Variants in MEP1B observed in about 807,000 individuals in gnomAD.
The protein encoded by MEP1B is meprin A subunit beta, also known as N-benzoyl-L-tyrosyl-P-amino-benzoic acid hydrolase subunit beta.
A neutral mutation model predicts 84.6 loss-of-function variants in MEP1B; 80 were observed. The ratio of observed to expected loss-of-function variants is 0.95; its 90% CI spans 0.79 to 1.14. MEP1B has a LOEUF of 1.14. Ranked by LOEUF, MEP1B falls within the 50% of genes most tolerant of loss-of-function variation. MEP1B has a pLI of 0.00. For synonymous variants in MEP1B, 273 were observed against 288.1 expected (o/e 0.95, Z 0.53); for missense variants, 766 against 855.1 (o/e 0.90, Z 1.30).
At chr18:32,192,520 A>G (rs1308160314) in intron 2 of MEP1B, 126 bp from the exon 3 acceptor site, 1 of 794,928 alleles carries the variant, frequency 1.3e-6, no homozygotes, top group Non-Finnish European at 2.1e-6. Flanking sequence ...ATGTATGTTG[A>G]GTCTGAATCT....
In MEP1B at chr18:32,210,573, C is replaced by T. The variant is rs374623506; in HGVS notation, c.992C>T (p.Thr331Met). ...GCCACAGCAGTGCTGGAAAGTAGAA[C>T]GCTGTACCCTAAAAGAGGATTTCAG... ...VGATAVLESR[T>M]LYPKRGFQCL... The change falls in exon 10 of 15, where the codon ACG becomes ATG. Residue 331 changes from threonine to methionine, a missense_variant. Thr to Met is a moderately conservative substitution (Grantham distance 81). Coordinates refer to ENST00000269202, the MANE Select transcript of MEP1B (RefSeq NM_005925.3). The T allele has an allele frequency of 4.5e-5, 73 of 1,613,870 alleles. No homozygotes were observed. Among genetic ancestry groups the T allele is most frequent in the East Asian group, 2.0e-4 (9 of 44,888 alleles).
chr18:32,190,882 A>G (rs944696635), intron 1 of MEP1B, among the ~76,000 whole-genome samples: 1 of 152,116 alleles, frequency 6.6e-6, no homozygotes, highest in Non-Finnish European at 1.5e-5. Context: ...AATGATGGTA[A>G]CCATCCATCC....
intron 5 of MEP1B, among the ~76,000 whole-genome samples, chr18:32,199,660 TTTCGTTCGTTCCTTC>T (rs2040890292): frequency 1.0e-5 from 1 of 96,544 alleles, no homozygotes; most frequent in African/African-American, 5.3e-5. Context: ...CTTTTTTTCC[TTTCGTTCGTTCCTTC>T]CTTCCTTCCT....
chr18:32,215,146 A>T lies in MEP1B; in HGVS notation c.1644A>T (p.Gly548=). ...GAACAGTGGCTTTGTTCTCTAATGG[A>T]ACTCAGTTTAGAAGAGGTGGGGGCT... ...KVGTVALFSN[G]TQFRRGGGYG... Residue 548 remains glycine, a synonymous_variant, in exon 12 of 15, where the codon GGA becomes GGT. Transcript: ENST00000269202. 4 of 1,609,914 alleles carry T rather than the reference A, an allele frequency of 2.5e-6. No homozygotes were observed. Among genetic ancestry groups the T allele is most frequent in the Non-Finnish European group, 3.4e-6 (4 of 1,177,450 alleles).
Position 32,192,814 on chromosome 18 carries a change from T to C in MEP1B, c.168T>C (p.Asp56=), listed in dbSNP as rs1243948281. Residue 56 remains aspartate (D), a synonymous_variant, in exon 4 of 15, where the codon GAT becomes GAC. Transcript: ENST00000269202. ...TTTTTGAGGGTGACATCAGACTTGA[T>C]AGGGTGAGTTGAAACAGTATAAGGA... is the stretch of plus-strand genomic sequence containing the variant. ...LDLFEGDIRL[D]RAQIRNSIIG... 2.5e-6 allele frequency: 4 copies of C among 1,611,506 alleles called. No individual in the cohort carries two copies. Among genetic ancestry groups the C allele is most frequent in the Admixed American group, 1.7e-5 (1 of 59,970 alleles).
Position 32,215,110 on chromosome 18 carries a change from T to C in MEP1B, c.1608T>C (p.Pro536=). The C allele has an allele frequency of 6.2e-7, 1 of 1,601,178 alleles. No individual in the cohort carries two copies. The highest frequency in any genetic ancestry group is 1.3e-5 in the African/African-American group (1 of 74,270). Residue 536 remains proline, a synonymous_variant, in exon 12 of 15, where the codon CCT becomes CCC. Coordinates refer to ENST00000269202, the MANE Select transcript of MEP1B (RefSeq NM_005925.3). ...ATGGAAACTATTTCTGGGACAGGCC[T>C]TCTAAAGTGGGAACAGTGGCTTTGT... ...TDNGNYFWDR[P]SKVGTVALFS... is the part of the protein sequence containing the mutation.
intron 7 of MEP1B, among the ~76,000 whole-genome samples, chr18:32,205,933 C>T (rs1382381470): frequency 6.6e-6 from 1 of 152,124 alleles, no homozygotes; most frequent in Non-Finnish European, 1.5e-5. Context: ...GGTTTATTCT[C>T]TTAGCAATTT....
At position 32,196,659 on chromosome 18, in the gene MEP1B, G is replaced by T. The variant is rs895723232; in HGVS notation, c.250+1174G>T. The T allele has an allele frequency of 3.4e-5, 23 of 675,728 alleles. No homozygotes were observed. Among genetic ancestry groups the T allele is most frequent in the Admixed American group, 3.1e-4 (15 of 48,818 alleles). 41.9% of individuals were successfully genotyped at this position (675,728 alleles called of 1,614,324 possible). On this transcript the variant is annotated intron_variant, in intron 5 of 14. Transcript: ENST00000269202. This position sits in a 1 kb window ranked among gnomAD's most constrained non-coding sequence, Gnocchi z 4.4. ...GATGTTGTCCAGCACGCCACCTCGG[G>T]GTGTCTTCCCCAAGCACCAGCGCAT...
intron 14 of MEP1B, among the ~76,000 whole-genome samples, chr18:32,218,323 G>C (rs1342004392): frequency 6.6e-6 from 1 of 152,122 alleles, no homozygotes; most frequent in Non-Finnish European, 1.5e-5. Flanking sequence ...AAGTGTTTTT[G>C]TTCTAAAGGT....
rs1372245016 is a variant in MEP1B at position 32,203,024 on chromosome 18, T to C, written c.368+14T>C. The C allele has an allele frequency of 6.7e-7, 1 of 1,499,466 alleles. No homozygotes were observed. The highest frequency in any genetic ancestry group is 9.2e-7 in the Non-Finnish European group (1 of 1,082,236). The allele number at this position is 1,499,466 out of a possible 1,614,324, so 92.9% of individuals were successfully genotyped here. A position where few individuals can be genotyped will look rare whatever the true frequency, so the allele number is the denominator to read the frequency against. On this transcript the variant is annotated intron_variant, in intron 6 of 14. Coordinates refer to ENST00000269202, the MANE Select transcript of MEP1B (RefSeq NM_005925.3). ...CAAGGGCAGTGGGTAAGTTGCAGACTTAGTCTTCTAAGGCATCTAAGGAGA... is the reference window on the plus strand; with the variant it reads ...CAAGGGCAGTGGGTAAGTTGCAGACCTAGTCTTCTAAGGCATCTAAGGAGA...
intron 5 of MEP1B, among the ~76,000 whole-genome samples, chr18:32,198,039 A>G (rs1231229877): frequency 6.6e-6 from 1 of 152,244 alleles, no homozygotes; most frequent in African/African-American, 2.4e-5. Context: ...GGAGACTCAC[A>G]TAAATCAAAA....
chr18:32,198,068 G>T (rs2040873891), intron 5 of MEP1B, among the ~76,000 whole-genome samples: 2 of 152,190 alleles, frequency 1.3e-5, no homozygotes, highest in African/African-American at 4.8e-5. Context: ...TGATAGAATG[G>T]AATAAACATT....
At chr18:32,192,895 C>A in intron 4 of MEP1B, 78 bp downstream of exon 4, 1 of 1,142,700 alleles carries the variant, frequency 8.8e-7, no homozygotes, top group Non-Finnish European at 1.3e-6. Flanking sequence ...AAAGATTAGA[C>A]AGCATGAACT....
Position 32,192,794 on chromosome 18 carries a change from G to A in MEP1B, c.148G>A (p.Glu50Lys). The part of the protein sequence containing the change: ...INEGLGLDLF[E>K]GDIRLDRAQI... Reference sequence around the variant, plus strand: ...CTTAGGTTTGGGACTGGATCTTTTTGAGGGTGACATCAGACTTGATAGGGT... The same window carrying A: ...CTTAGGTTTGGGACTGGATCTTTTTAAGGGTGACATCAGACTTGATAGGGT... Residue 50 changes from glutamate to lysine, a missense_variant, in exon 4 of 15, where the codon GAG (glutamate) becomes AAG (lysine). Physicochemically the swap from Glu to Lys is moderately conservative, Grantham distance 56. Coordinates refer to ENST00000269202, the MANE Select transcript of MEP1B (RefSeq NM_005925.3). 1.2e-6 allele frequency: 2 copies of A among 1,612,924 alleles called. No homozygotes were observed. The highest frequency in any genetic ancestry group is 1.7e-6 in the Non-Finnish European group (2 of 1,179,404).
chr18:32,193,577 T>C (rs2040823626), intron 4 of MEP1B, among the ~76,000 whole-genome samples: 1 of 152,126 alleles, frequency 6.6e-6, no homozygotes, highest in African/African-American at 2.4e-5. Context: ...CTGGAGAGTG[T>C]ATAAATTTGA....
chr18:32,210,511 C>T lies in MEP1B; in HGVS notation c.930C>T (p.Phe310=). ...GCTTTTCTTTAACAGGTTCTGGTTT[C>T]TTCATGCATTTCGATAGCAGCTCTG... The part of the protein sequence containing the change: ...SNMGQCQGSG[F]FMHFDSSSVN... Residue 310 remains phenylalanine, a synonymous_variant, in exon 10 of 15, where the codon TTC becomes TTT. Coordinates refer to ENST00000269202, the MANE Select transcript of MEP1B (RefSeq NM_005925.3). The T allele has an allele frequency of 1.9e-6, 3 of 1,613,802 alleles. No homozygotes were observed. Among genetic ancestry groups the T allele is most frequent in the Non-Finnish European group, 2.5e-6 (3 of 1,179,744 alleles).
intron 14 of MEP1B, among the ~76,000 whole-genome samples, chr18:32,218,747 G>C (rs2041120332): frequency 6.6e-6 from 1 of 152,174 alleles, no homozygotes; most frequent in Non-Finnish European, 1.5e-5. Flanking sequence ...CTGAATCGAG[G>C]GAGGGGGCCA....
intron 5 of MEP1B, among the ~76,000 whole-genome samples, chr18:32,195,777 G>A (rs1005884413): frequency 2.6e-5 from 4 of 152,226 alleles, no homozygotes; most frequent in African/African-American, 9.6e-5. Context: ...TAGGGAGCCA[G>A]TCTTTTTTTG....
intron 9 of MEP1B, among the ~76,000 whole-genome samples, chr18:32,209,486 C>CAAAA (rs1156344556): frequency 3.3e-4 from 35 of 107,140 alleles, no homozygotes; most frequent in African/African-American, 4.6e-4. Context: ...GACGTTGTCT[C>CAAAA]AAAAAAAAAA....
Sources: gnomAD v4.1 joint callset for allele counts (sites outside exome capture counted in the v4.1 genomes callset) on GRCh38, gnomAD v4.1.1 for gene constraint, Gnocchi (gnomAD v3.1) non-coding constraint, MANE v1.5 for transcripts, NCBI Gene and HGNC (gene_info 2026-07-23, HGNC 2026-07-21) for gene names.